The following SLC7A6 variants were observed in gnomAD, a reference collection of about 807,000 sequenced individuals.
SLC7A6 encodes the protein solute carrier family 7 member 6.
In SLC7A6, 29 loss-of-function variants were observed where a neutral mutation model predicts 46.6. That is an observed-to-expected ratio of 0.62 (90% CI 0.46 to 0.85). The LOEUF (loss-of-function observed/expected upper bound fraction) is 0.85. Among genes scored for constraint, SLC7A6 ranks in the 40% least tolerant of loss-of-function variants. The pLI, the probability that SLC7A6 is intolerant of heterozygous loss-of-function variation, is 0.00. For missense variants in SLC7A6, 527 were observed against 647.6 expected, an observed-to-expected ratio of 0.81 and a Z score of 2.02; for synonymous variants, 276 against 257.3, an observed-to-expected ratio of 1.07 and a Z score of -0.70.
In SLC7A6 at chr16:68,294,536, G is replaced by A. The variant is rs55710496; in HGVS notation, c.1023-169G>A. 279 of 600,104 alleles carry A rather than the reference G, an allele frequency of 4.6e-4. No homozygotes were observed. In the East Asian group the frequency reaches 5.9e-3, roughly 13 times the overall value. 37.2% of individuals were successfully genotyped at this position (600,104 alleles called of 1,614,324 possible). On this transcript the variant is annotated intron_variant, in intron 7 of 10. Transcript: ENST00000219343. ...GAGGGAGGGAAAATCTGTAGGGAAG[G>A]GGGGAGCAGGGAGGTTGGACTGGTG...
chr16:68,297,117 T>C (rs1220455238), intron 10 of SLC7A6, 117 bp from the exon 11 acceptor site: 4 of 910,012 alleles, frequency 4.4e-6, no homozygotes, highest in South Asian at 1.7e-5. Context: ...AAGCCTGATA[T>C]AGGGTACTTA....
intron 3 of SLC7A6, among the ~76,000 whole-genome samples, chr16:68,283,963 G>T (rs553000874): frequency 2.6e-4 from 39 of 152,256 alleles, no homozygotes; most frequent in South Asian, 2.1e-4. Flanking sequence ...TTCTTAATTA[G>T]AATCAGGAGA....
At chr16:68,282,169 C>T (rs979680739) in intron 3 of SLC7A6, among the ~76,000 whole-genome samples, 1 of 152,136 alleles carries the variant, frequency 6.6e-6, no homozygotes, top group Admixed American at 6.5e-5. Context: ...GAGAGTGATA[C>T]GGGGCTAGGG....
intron 5 of SLC7A6, 163 bp downstream of exon 5, chr16:68,290,703 A>G (rs2043032164): frequency 1.2e-6 from 1 of 837,774 alleles, no homozygotes; most frequent in Non-Finnish European, 1.9e-6. Flanking sequence ...AATGGGAGTG[A>G]GTGAAGGTAG....
chr16:68,275,322 G>A (rs979484094), intron 3 of SLC7A6, 73 bp downstream of exon 3: 43 of 1,541,062 alleles, frequency 2.8e-5, no homozygotes, highest in African/African-American at 1.6e-4. Flanking sequence ...TAGGCCGGGC[G>A]CGGTGGCTCA....
rs1055395472 is a variant in SLC7A6, at chr16:68,296,866, G to A, written c.1453+56G>A. ...GCGGCTATGTGTGCATGCGCATGCA[G>A]AGGTGGGGGGTGGCTAACAGCTTCC... On this transcript the variant is annotated intron_variant, in intron 10 of 10. Transcript: ENST00000219343. The A allele has an allele frequency of 8.9e-6, 14 of 1,575,446 alleles. No homozygotes were observed. The East Asian group carries it at 9.0e-5, about 10-fold the overall frequency.
intron 8 of SLC7A6, among the ~76,000 whole-genome samples, 192 bp from the exon 9 acceptor site, chr16:68,296,172 G>C (rs2043161088): frequency 6.6e-6 from 1 of 152,118 alleles, no homozygotes; most frequent in Non-Finnish European, 1.5e-5. Flanking sequence ...GGGGAAAGAT[G>C]CTACCCTGAG....
Position 68,294,792 on chromosome 16 carries a change from A to G in SLC7A6, c.1110A>G (p.Leu370=), listed in dbSNP as rs776302205. Residue 370 remains leucine (L), a synonymous_variant, in exon 8 of 11, where the codon TTA becomes TTG. Transcript: ENST00000219343. ...HIERFTPIPA[L]LFNCTMALIY... ...AGCGTTTTACACCTATCCCTGCTTTACTGTTCAATGTAAGCTTTGCTGGGA... is the reference window on the plus strand; with the variant it reads ...AGCGTTTTACACCTATCCCTGCTTTGCTGTTCAATGTAAGCTTTGCTGGGA... 2 of 1,612,402 alleles carry G rather than the reference A, an allele frequency of 1.2e-6. No individual in the cohort carries two copies. Among genetic ancestry groups the G allele is most frequent in the African/African-American group, 2.7e-5 (2 of 74,842 alleles).
Position 68,290,970 on chromosome 16 carries a change from G to T in SLC7A6, c.795-239G>T, listed in dbSNP as rs565528427. 1.3e-5 allele frequency: 7 copies of T among 540,004 alleles called. No homozygotes were observed. In the South Asian group the frequency reaches 1.4e-4, roughly 11 times the overall value. The allele number at this position is 540,004 out of a possible 1,614,324, so 33.5% of individuals were successfully genotyped here. On this transcript the variant is annotated intron_variant, in intron 5 of 10. Coordinates refer to ENST00000219343, the MANE Select transcript of SLC7A6 (RefSeq NM_003983.6). The stretch of plus-strand genomic sequence containing the variant: ...AGATGCAGGAGGATTATGAAACCCA[G>T]TAGGACCCATTGGTCCTACTGTGGC...
chr16:68,301,681 G>C lies in SLC7A6; in HGVS notation c.*4353G>C, dbSNP rs2043279399. 1 of 254,828 alleles carries C rather than the reference G, an allele frequency of 3.9e-6. No homozygotes were observed. Among genetic ancestry groups the C allele is most frequent in the Non-Finnish European group, 7.4e-6 (1 of 135,158 alleles). 15.8% of individuals were successfully genotyped at this position (254,828 alleles called of 1,614,324 possible). A position where few individuals can be genotyped will look rare whatever the true frequency, so the allele number is the denominator to read the frequency against. Reference sequence around the variant, plus strand: ...CCTCCGTATAGGATTTTTTGTTGTTGTAAGAGTTGTAGTCATATTGTAAAT... The same window carrying C: ...CCTCCGTATAGGATTTTTTGTTGTTCTAAGAGTTGTAGTCATATTGTAAAT... On this transcript the variant is annotated 3_prime_UTR_variant, in exon 11 of 11. Coordinates refer to ENST00000219343, the MANE Select transcript of SLC7A6 (RefSeq NM_003983.6).
At chr16:68,272,644 C>T (rs1011382789) in intron 2 of SLC7A6, among the ~76,000 whole-genome samples, 38 of 152,264 alleles carry the variant, frequency 2.5e-4, no homozygotes, top group African/African-American at 7.9e-4. Context: ...TGGGTAGTTT[C>T]GCCAGTGTAT....
intron 10 of SLC7A6, 47 bp downstream of exon 10, chr16:68,296,857 G>A (rs1178847155): frequency 1.3e-6 from 2 of 1,597,652 alleles, no homozygotes; most frequent in Non-Finnish European, 1.7e-6. Context: ...ATGTGTGCAT[G>A]CGCATGCAGA....
chr16:68,292,047 A>G (rs2043067318), intron 7 of SLC7A6: 1 of 184,864 alleles, frequency 5.4e-6, no homozygotes, highest in African/African-American at 2.4e-5. Context: ...GATGAAAGGT[A>G]TAGGGGAGAA....
rs1010811196 is a variant in SLC7A6, at chr16:68,299,902, T to C, written c.*2574T>C. On this transcript the variant is annotated 3_prime_UTR_variant, in exon 11 of 11. Transcript: ENST00000219343. ...CACTTCGGCAGGTTGAACAACTCCA[T>C]GTAGATAAGAGCAAGTGTAGGCAAA... 3 of 152,144 alleles carry C rather than the reference T, an allele frequency of 2.0e-5. No homozygotes were observed. Among genetic ancestry groups the C allele is most frequent in the East Asian group, 1.9e-4 (1 of 5,198 alleles). The allele number at this position is 152,144 out of a possible 1,614,324, so 9.4% of individuals were successfully genotyped here.
intron 4 of SLC7A6, 185 bp from the exon 5 acceptor site, chr16:68,290,211 T>C: frequency 1.6e-6 from 1 of 607,760 alleles, no homozygotes; most frequent in South Asian, 2.4e-5. Context: ...AATTATGTTT[T>C]TTTTTCTTTC....
chr16:68,265,325 T>C (rs2042510867), intron 1 of SLC7A6, among the ~76,000 whole-genome samples: 1 of 152,200 alleles, frequency 6.6e-6, no homozygotes, highest in East Asian at 1.9e-4. Context: ...TGAAACATTC[T>C]GAAAATTCTT....
At chr16:68,294,921 G>T in intron 8 of SLC7A6, 120 bp downstream of exon 8, 1 of 652,012 alleles carries the variant, frequency 1.5e-6, no homozygotes, top group South Asian at 1.9e-5. Context: ...GTGAAAAACA[G>T]TTCATTTTTT....
rs1375914414 is a variant in SLC7A6, at chr16:68,300,455, A to T, written c.*3127A>T. 4.8e-6 allele frequency: 1 copy of T among 208,480 alleles called. No homozygotes were observed. The highest frequency in any genetic ancestry group is 8.3e-6 in the Non-Finnish European group (1 of 119,814). 12.9% of individuals were successfully genotyped at this position (208,480 alleles called of 1,614,324 possible). On this transcript the variant is annotated 3_prime_UTR_variant, in exon 11 of 11. Transcript: ENST00000219343. ...TGTTTTTGTGGTGGGTGCTGTGAAG[A>T]GTAAACATTACTCAGTGGAAAGCTA...
intron 2 of SLC7A6, among the ~76,000 whole-genome samples, chr16:68,273,633 C>T (rs2042659102): frequency 6.6e-6 from 1 of 152,066 alleles, no homozygotes; most frequent in African/African-American, 2.4e-5. Flanking sequence ...GTTGGGATGC[C>T]CCTGGATGTC....
Sources: allele counts gnomAD v4.1 joint callset (sites outside exome capture counted in the v4.1 genomes callset), GRCh38; gene constraint gnomAD v4.1.1; transcripts MANE v1.5; gene names NCBI Gene and HGNC (gene_info 2026-07-23, HGNC 2026-07-21).